The following TMEM131L variants were observed in gnomAD, a reference collection of about 807,000 sequenced individuals.
The protein encoded by TMEM131L is transmembrane 131 like.
Under a neutral mutation model 192.2 loss-of-function variants are expected in TMEM131L, and 54 were observed. The ratio of observed to expected loss-of-function variants is 0.28; its 90% CI spans 0.23 to 0.35. TMEM131L has a LOEUF of 0.35. TMEM131L is among the 10% of genes least tolerant of loss of function. The probability of loss-of-function intolerance (pLI) is 1.00; values close to 1 mark genes in which losing one functional copy is unlikely to be tolerated. For synonymous variants in TMEM131L, 701 were observed against 704.9 expected (o/e 0.99, Z 0.09); for missense variants, 1,888 against 1,972.9 (o/e 0.96, Z 0.82).
intron 17 of TMEM131L, among the ~76,000 whole-genome samples, chr4:153,591,867 C>T (rs997474332): frequency 6.6e-6 from 1 of 152,042 alleles, no homozygotes; most frequent in Non-Finnish European, 1.5e-5. Flanking sequence ...AAAAGAAAAT[C>T]AGGAGCTTGC....
At chr4:153,575,097 T>C (rs928668141) in intron 7 of TMEM131L, among the ~76,000 whole-genome samples, 1 of 152,206 alleles carries the variant, frequency 6.6e-6, no homozygotes, top group African/African-American at 2.4e-5. Context: ...TTAATATAGA[T>C]TCTCAAATAT....
intron 2 of TMEM131L, among the ~76,000 whole-genome samples, chr4:153,468,039 A>T (rs1730890063): frequency 6.6e-6 from 1 of 152,166 alleles, no homozygotes; most frequent in African/African-American, 2.4e-5. Context: ...AGTGGCTTGA[A>T]TTATAAGGAA....
At chr4:153,634,874 C>T (rs1182869922) in intron 33 of TMEM131L, among the ~76,000 whole-genome samples, 1 of 152,204 alleles carries the variant, frequency 6.6e-6, no homozygotes, top group Admixed American at 6.5e-5. Context: ...TATACTAGAG[C>T]TGCCCTTTCA....
intron 3 of TMEM131L, among the ~76,000 whole-genome samples, chr4:153,516,655 G>C (rs1305831682): frequency 6.6e-6 from 1 of 152,056 alleles, no homozygotes; most frequent in African/African-American, 2.4e-5. Flanking sequence ...GGAATTGCTG[G>C]GTCAAAAAGT....
At chr4:153,578,546 A>G (rs1054343566) in intron 7 of TMEM131L, among the ~76,000 whole-genome samples, 2 of 117,762 alleles carry the variant, frequency 1.7e-5, no homozygotes, top group African/African-American at 6.8e-5. Flanking sequence ...TTTTTGACGG[A>G]GTCTCGTTCT....
chr4:153,549,724 A>G (rs978422754), intron 3 of TMEM131L, among the ~76,000 whole-genome samples: 8 of 152,226 alleles, frequency 5.3e-5, no homozygotes, highest in Middle Eastern at 3.2e-3. Context: ...CCCCAGGCCA[A>G]CTTTACTTGT....
rs754578506 is a variant in TMEM131L at position 153,627,609 on chromosome 4, G to A, written c.4129G>A (p.Val1377Met). ...LSHNICNPMT[V>M]NSLPQYAEPS... ...CCTTTGCCCTCTTCCCCACAGGACC[G>A]TGAATAGTCTCCCACAATACGCAGA... The change falls in exon 31 of 35, where the codon GTG becomes ATG. Residue 1377 changes from valine (V) to methionine (M), a missense_variant. Transcript: ENST00000409959. 20 of 1,613,604 alleles carry A rather than the reference G, an allele frequency of 1.2e-5. No individual in the cohort carries two copies. Among genetic ancestry groups the A allele is most frequent in the East Asian group, 2.2e-5 (1 of 44,868 alleles).
In TMEM131L at chr4:153,623,037, C is replaced by A. The variant is rs148354355; in HGVS notation, c.3999C>A (p.Asp1333Glu). 6.2e-7 allele frequency: 1 copy of A among 1,613,344 alleles called. No homozygotes were observed. The highest frequency in any genetic ancestry group is 1.7e-5 in the Admixed American group (1 of 59,880). ...WGSWSSTSSS[D>E]GDKKPMVDAQ... ...GCTGGAGCAGCACCAGCAGCTCCGACGGGGATAAGAAGCCCATGGTGGACG... is the reference window on the plus strand; with the variant it reads ...GCTGGAGCAGCACCAGCAGCTCCGAAGGGGATAAGAAGCCCATGGTGGACG... Residue 1333 changes from aspartate (D) to glutamate (E), a missense_variant, in exon 29 of 35, where the codon GAC (aspartate) becomes GAA (glutamate). Asp to Glu is a conservative substitution (Grantham distance 45). Coordinates refer to ENST00000409959, the MANE Select transcript of TMEM131L (RefSeq NM_001131007.2).
chr4:153,622,080 A>G (rs924036072), intron 28 of TMEM131L, among the ~76,000 whole-genome samples: 3 of 152,188 alleles, frequency 2.0e-5, no homozygotes, highest in Non-Finnish European at 2.9e-5. Context: ...GGCCAGTCGC[A>G]ACTATCCTCA....
intron 26 of TMEM131L, 120 bp from the exon 27 acceptor site, chr4:153,620,633 ACTT>A (rs1733327901): frequency 3.9e-6 from 2 of 516,672 alleles, no homozygotes; most frequent in Non-Finnish European, 3.3e-6. Context: ...TGAGCAACAT[ACTT>A]CTCAGTTTTC....
chr4:153,632,194 T>G (rs1199440313), intron 31 of TMEM131L, among the ~76,000 whole-genome samples: 1 of 152,112 alleles, frequency 6.6e-6, no homozygotes, highest in Non-Finnish European at 1.5e-5. Flanking sequence ...GTGCCTATAG[T>G]CCCAGTTACG....
rs752287863 is a variant in TMEM131L, at chr4:153,603,871, A to G, written c.2859A>G (p.Pro953=). The change falls in exon 25 of 35, where the codon CCA becomes CCG. Residue 953 remains proline (P), a synonymous_variant. Transcript: ENST00000409959. ...AAGGCAGGGGGAAGAACTGCCTTCCAGTGAACACTCCCCAAAGCAGGATCC... is the reference window on the plus strand; with the variant it reads ...AAGGCAGGGGGAAGAACTGCCTTCCGGTGAACACTCCCCAAAGCAGGATCC... ...SDKGRGKNCL[P]VNTPQSRIQN... 3 of 1,614,038 alleles carry G rather than the reference A, an allele frequency of 1.9e-6. No homozygotes were observed. The highest frequency in any genetic ancestry group is 1.7e-6 in the Non-Finnish European group (2 of 1,179,932).
rs1328754519 is a variant in TMEM131L at position 153,602,097 on chromosome 4, TTAAA to T, written c.2267-49_2267-46del. The stretch of plus-strand genomic sequence containing the variant: ...ATAAATATCGATCCAATAAATTATT[TTAAA>T]TAAATTTTATAGTTCACATATACTA... On this transcript the variant is annotated intron_variant, in intron 21 of 34. Transcript: ENST00000409959. 22 of 1,060,236 alleles carry T rather than the reference TTAAA, an allele frequency of 2.1e-5. No individual in the cohort carries two copies. The East Asian group carries it at 4.9e-4, about 24-fold the overall frequency. The allele number at this position is 1,060,236 out of a possible 1,614,324, so 65.7% of individuals were successfully genotyped here. A position where few individuals can be genotyped will look rare whatever the true frequency, so the allele number is the denominator to read the frequency against.
chr4:153,562,674 T>A (rs1728921929), intron 7 of TMEM131L, among the ~76,000 whole-genome samples: 1 of 152,230 alleles, frequency 6.6e-6, no homozygotes, highest in South Asian at 2.1e-4. Context: ...ACCAAAGGCA[T>A]AATTGCCTCT....
intron 7 of TMEM131L, among the ~76,000 whole-genome samples, chr4:153,562,136 C>T (rs533408149): frequency 1.9e-3 from 285 of 151,768 alleles, no homozygotes; most frequent in Non-Finnish European, 2.1e-3. Context: ...CTCCTGGGTT[C>T]AAGCAATTCT....
chr4:153,550,712 G>A (rs77101822), intron 4 of TMEM131L, among the ~76,000 whole-genome samples: 2,405 of 130,980 alleles, frequency 0.018, 134 homozygotes, highest in East Asian at 0.11. Flanking sequence ...AAACAAATCC[G>A]GTTATTTTAT....
At chr4:153,579,561 T>C (rs146444470) in intron 7 of TMEM131L, among the ~76,000 whole-genome samples, 44 of 152,326 alleles carry the variant, frequency 2.9e-4, no homozygotes, top group African/African-American at 1.0e-3. Context: ...AGCCTTGACC[T>C]CTTGGGCTCA....
chr4:153,558,346 G>C lies in TMEM131L; in HGVS notation c.638G>C (p.Ser213Thr), dbSNP rs1728621894. Residue 213 changes from serine (S) to threonine (T), a missense_variant, in exon 7 of 35, where the codon AGC becomes ACC. Coordinates refer to ENST00000409959, the MANE Select transcript of TMEM131L (RefSeq NM_001131007.2). ...TATTTTCTGCTTCCAAAGGTCCAGA[G>C]CATTCAGCTGTCTCAAATGCAGGTC... is the stretch of plus-strand genomic sequence containing the variant. ...NAYFLLPKVQ[S>T]IQLSQMQAET... 1.2e-6 allele frequency: 2 copies of C among 1,604,360 alleles called. No individual in the cohort carries two copies. Among genetic ancestry groups the C allele is most frequent in the East Asian group, 4.5e-5 (2 of 44,758 alleles).
intron 3 of TMEM131L, among the ~76,000 whole-genome samples, chr4:153,495,624 T>C (rs973257627): frequency 6.6e-6 from 1 of 152,156 alleles, no homozygotes; most frequent in Admixed American, 6.5e-5. Context: ...AGCAATCAAA[T>C]ATGCATTTTT....
Sources: allele counts gnomAD v4.1 joint callset (sites outside exome capture counted in the v4.1 genomes callset), GRCh38; gene constraint gnomAD v4.1.1; transcripts MANE v1.5; gene names NCBI Gene and HGNC (gene_info 2026-07-23, HGNC 2026-07-21).